Variants in LINGO2 observed in about 807,000 individuals in gnomAD.
LINGO2 encodes the protein leucine-rich repeat and immunoglobulin-like domain-containing nogo receptor-interacting protein 2.
In LINGO2, 14 loss-of-function variants were observed where a neutral mutation model predicts 30.6. The ratio of observed to expected loss-of-function variants is 0.46; its 90% confidence interval spans 0.30 to 0.72. The LOEUF is 0.72. Ranked by LOEUF, LINGO2 falls within the 30% of genes least tolerant of loss-of-function variation. LINGO2 has a pLI of 0.07. For synonymous variants in LINGO2, 317 were observed against 288.5 expected, an observed-to-expected ratio of 1.10 and a Z score of -1.00; for missense variants, 729 against 751.7, an observed-to-expected ratio of 0.97 and a Z score of 0.35.
intron 4 of LINGO2, among the ~76,000 whole-genome samples, chr9:28,068,073 T>C (rs1203797307): frequency 6.6e-6 from 1 of 152,184 alleles, no homozygotes; most frequent in Non-Finnish European, 1.5e-5. Context: ...CTGTCTTCTC[T>C]ACAGTGCCTT....
At chr9:29,119,878 T>G in the LINGO2 span, among the ~76,000 whole-genome samples, 11 of 152,138 alleles carry the variant, frequency 7.2e-5, no homozygotes, top group Non-Finnish European at 8.8e-5. Context: ...TAATTCTTTA[T>G]ACTTTGTTTT....
chr9:28,705,577 G>A, the LINGO2 span, among the ~76,000 whole-genome samples: 7 of 152,096 alleles, frequency 4.6e-5, no homozygotes, highest in Non-Finnish European at 1.0e-4. Context: ...ATGCTCCGGA[G>A]TATTTCAAAC....
At chr9:28,040,143 T>C (rs1304717510) in intron 4 of LINGO2, among the ~76,000 whole-genome samples, 1 of 152,072 alleles carries the variant, frequency 6.6e-6, no homozygotes, top group Non-Finnish European at 1.5e-5. Flanking sequence ...CCTTATAAAC[T>C]AAATTTTGCC....
At chr9:29,142,164 A>C in the LINGO2 span, among the ~76,000 whole-genome samples, 1 of 151,902 alleles carries the variant, frequency 6.6e-6, no homozygotes, top group African/African-American at 2.4e-5. Flanking sequence ...GCCACAAAGC[A>C]AATCATAAAA....
Position 28,147,326 on chromosome 9 carries a change from T to C in LINGO2, c.-86-134921A>G, listed in dbSNP as rs556978454. ...ATGACCACCTGAATGACCTGAGGAA[T>C]GGTCTCAGGCAAATTTGTAAAAAGT... is the stretch of plus-strand genomic sequence containing the variant. On this transcript the variant is annotated intron_variant, in intron 4 of 5. Transcript: ENST00000379992. This position sits in a 1 kb window ranked among gnomAD's most constrained non-coding sequence, Gnocchi z 4.7. Among the ~76,000 whole-genome samples the C allele has an allele frequency of 3.1e-3, 475 of 152,296 alleles. 7 individuals are homozygous for C. Among genetic ancestry groups the C allele is most frequent in the Non-Finnish European group, 1.0e-3 (71 of 68,014 alleles).
chr9:27,953,566 C>T (rs777323534), intron 5 of LINGO2, among the ~76,000 whole-genome samples: 1 of 151,992 alleles, frequency 6.6e-6, no homozygotes, highest in Non-Finnish European at 1.5e-5. Context: ...CCCCATGCTG[C>T]TGTTCTTGTG....
At chr9:28,464,179 C>T (rs1008792448) in intron 2 of LINGO2, among the ~76,000 whole-genome samples, 1 of 152,102 alleles carries the variant, frequency 6.6e-6, no homozygotes, top group Non-Finnish European at 1.5e-5. Context: ...ATTAAATTAG[C>T]AAATGTATTT....
chr9:28,361,047 T>C (rs558280206), intron 3 of LINGO2, among the ~76,000 whole-genome samples: 2 of 152,350 alleles, frequency 1.3e-5, no homozygotes, highest in South Asian at 4.1e-4. Context: ...TTTTAAACTG[T>C]GTGCCATTCA....
Position 28,165,504 on chromosome 9 carries a change from C to T in LINGO2, c.-87+129704G>A, listed in dbSNP as rs138444419. On this transcript the variant is annotated intron_variant, in intron 4 of 5. Coordinates refer to ENST00000379992, the Ensembl canonical transcript of LINGO2. ...GTAACTTAACAGAAAAAATTGTCCT[C>T]GTGGATTGCAATCTCAAATTCATTA... Among the ~76,000 whole-genome samples the T allele has an allele frequency of 2.2e-3, 328 of 152,266 alleles. 1 individual carries two copies. The highest frequency in any genetic ancestry group is 6.1e-3 in the African/African-American group (252 of 41,556).
At chr9:28,863,219 CTATT>C in the LINGO2 span, among the ~76,000 whole-genome samples, 1 of 152,002 alleles carries the variant, frequency 6.6e-6, no homozygotes, top group African/African-American at 2.4e-5. Flanking sequence ...ATTTACCAAA[CTATT>C]TAATTAATAT....
intron 4 of LINGO2, among the ~76,000 whole-genome samples, chr9:28,031,766 T>C (rs1336505544): frequency 1.3e-5 from 2 of 152,332 alleles, no homozygotes; most frequent in Non-Finnish European, 1.5e-5. Context: ...CAGTGCTGTA[T>C]GGCAGCAAGC....
chr9:28,801,991 C>A, the LINGO2 span, among the ~76,000 whole-genome samples: 3 of 151,680 alleles, frequency 2.0e-5, no homozygotes, highest in South Asian at 2.1e-4. Flanking sequence ...AGTTTTCAAT[C>A]TTTTCTATAT....
chr9:28,200,019 T>G (rs1820172053), intron 4 of LINGO2, among the ~76,000 whole-genome samples: 1 of 148,308 alleles, frequency 6.7e-6, no homozygotes, highest in South Asian at 2.1e-4. Context: ...AAAAAAAGAC[T>G]TCCTGGAAAA....
intron 4 of LINGO2, among the ~76,000 whole-genome samples, chr9:28,067,191 G>A (rs1825338513): frequency 6.6e-6 from 1 of 151,948 alleles, no homozygotes; most frequent in Non-Finnish European, 1.5e-5. Context: ...AAATATCTTT[G>A]TGAACAATTA....
chr9:28,867,869 T>C, the LINGO2 span, among the ~76,000 whole-genome samples: 1 of 152,154 alleles, frequency 6.6e-6, no homozygotes, highest in African/African-American at 2.4e-5. Flanking sequence ...GGTAAAAACA[T>C]AAAGTTTGAA....
chr9:28,083,298 A>G (rs1825823801), intron 4 of LINGO2, among the ~76,000 whole-genome samples: 2 of 152,160 alleles, frequency 1.3e-5, no homozygotes, highest in African/African-American at 4.8e-5. Flanking sequence ...GACTCTAGAC[A>G]ATCGTGCTTG....
At chr9:28,145,753 C>G (rs1042355772) in intron 4 of LINGO2, among the ~76,000 whole-genome samples, 2 of 152,100 alleles carry the variant, frequency 1.3e-5, no homozygotes, top group Non-Finnish European at 2.9e-5. Context: ...CCATTCTTTA[C>G]ACAGTTTTTA....
chr9:28,082,230 T>A (rs1448147483), intron 4 of LINGO2, among the ~76,000 whole-genome samples: 3 of 152,308 alleles, frequency 2.0e-5, no homozygotes, highest in East Asian at 3.9e-4. Flanking sequence ...ACACATGAAA[T>A]TTTAGGCTGT....
chr9:28,155,761 A>G (rs2133574509), intron 4 of LINGO2, among the ~76,000 whole-genome samples: 1 of 152,334 alleles, frequency 6.6e-6, no homozygotes, highest in East Asian at 1.9e-4. Flanking sequence ...GCCTTTGGGA[A>G]GTGATTATCT....
Sources: gnomAD v4.1 joint callset for allele counts (sites outside exome capture counted in the v4.1 genomes callset) on GRCh38, gnomAD v4.1.1 for gene constraint, Gnocchi (gnomAD v3.1) non-coding constraint, MANE v1.5 for transcripts, NCBI Gene and HGNC (gene_info 2026-07-23, HGNC 2026-07-21) for gene names.